OOSP4B: variants seen among roughly 807,000 people sequenced by gnomAD.
OOSP4B encodes the protein oocyte-secreted protein 4B.
At chr11:60,024,197 C>T (rs1210692650) in intron 2 of OOSP4B, 136 bp downstream of exon 2, 9 of 394,910 alleles carry the variant, frequency 2.3e-5, no homozygotes, top group Non-Finnish European at 3.6e-5. Flanking sequence ...TTAGATAGGA[C>T]CAGGTGCTTA....
intron 3 of OOSP4B, among the ~76,000 whole-genome samples, chr11:60,027,795 C>T (rs940399263): frequency 1.3e-5 from 2 of 151,572 alleles, no homozygotes; most frequent in African/African-American, 2.4e-5. Flanking sequence ...CAAAAATTAG[C>T]CAGGCCTGGT....
At chr11:60,020,443 G>A (rs1402054650) in intron 1 of OOSP4B, among the ~76,000 whole-genome samples, 1 of 152,214 alleles carries the variant, frequency 6.6e-6, no homozygotes, top group African/African-American at 2.4e-5. Context: ...GTCGAGCACA[G>A]CAGCTGCTGG....
chr11:60,027,209 A>G (rs1194809035), intron 3 of OOSP4B, among the ~76,000 whole-genome samples: 1 of 152,112 alleles, frequency 6.6e-6, no homozygotes, highest in Admixed American at 6.5e-5. Flanking sequence ...AATGAACACT[A>G]CAGCTCCTAA....
At chr11:60,027,655 T>TA (rs61649958) in intron 3 of OOSP4B, among the ~76,000 whole-genome samples, 1,885 of 62,156 alleles carry the variant, frequency 0.03, 107 homozygotes, top group African/African-American at 0.065. Context: ...GCTATGATAT[T>TA]AAAAAAAAAA....
At chr11:60,023,988 G>C (rs1041235715) in exon 2 of OOSP4B, 2 of 398,406 alleles carry the variant, frequency 5.0e-6, no homozygotes, top group Non-Finnish European at 8.8e-6. Flanking sequence ...AGAGATAACT[G>C]TCCTGTAACA....
chr11:60,028,388 A>G (rs553054886), intron 3 of OOSP4B, among the ~76,000 whole-genome samples: 2 of 151,568 alleles, frequency 1.3e-5, no homozygotes, highest in South Asian at 4.2e-4. Flanking sequence ...CTCGTCTCGA[A>G]CTCCTGACCT....
intron 4 of OOSP4B, 51 bp from the exon 5 acceptor site, chr11:60,030,751 G>T (rs1405230830): frequency 7.5e-6 from 3 of 397,756 alleles, no homozygotes. Context: ...TTCTTTTTAG[G>T]TAAGGTTATA....
In OOSP4B at chr11:60,028,417, C is replaced by T. The variant is rs137872339; in HGVS notation, c.303-1365C>T. 1.7e-3 allele frequency among the ~76,000 whole-genome samples: 261 copies of T among 152,178 alleles called. 1 individual carries two copies. The highest frequency in any genetic ancestry group is 5.2e-3 in the African/African-American group (215 of 41,522). On this transcript the variant is annotated intron_variant, in intron 3 of 4. Coordinates refer to ENST00000642343, the Ensembl canonical transcript of OOSP4B. The stretch of plus-strand genomic sequence containing the variant: ...CTGACCTCAAGTGATCCACCTGCCT[C>T]GGCCTCCCAAAGTGGTAGGATTACA...
In OOSP4B at chr11:60,027,655, TAAAAAAAAAAAAAAAA is replaced by T. The variant is rs61649958; in HGVS notation, c.303-2117_303-2102del. Among the ~76,000 whole-genome samples, 4 of 62,238 alleles carry T rather than the reference TAAAAAAAAAAAAAAAA, an allele frequency of 6.4e-5. No homozygotes were observed. The South Asian group carries it at 3.6e-3, about 56-fold the overall frequency. 40.8% of individuals were successfully genotyped at this position (62,238 alleles called of 152,430 possible). On this transcript the variant is annotated intron_variant, in intron 3 of 4. Coordinates refer to ENST00000642343, the Ensembl canonical transcript of OOSP4B. ...TCTAAGCAGGTAAAGGCTATGATAT[TAAAAAAAAAAAAAAAA>T]AAAAAAAAAGATGATCCCAGCACTT... is the stretch of plus-strand genomic sequence containing the variant.
At chr11:60,028,251 C>T (rs987707773) in intron 3 of OOSP4B, among the ~76,000 whole-genome samples, 16 of 151,526 alleles carry the variant, frequency 1.1e-4, no homozygotes, top group Non-Finnish European at 1.5e-4. Flanking sequence ...CTTCAACCAC[C>T]GCTTCCTGGG....
intron 4 of OOSP4B, among the ~76,000 whole-genome samples, chr11:60,030,597 T>C (rs1854797329): frequency 1.3e-5 from 2 of 152,226 alleles, no homozygotes; most frequent in Admixed American, 1.3e-4. Context: ...AACACATAGA[T>C]GCTAATCACT....
At chr11:60,020,981 T>G (rs1854685726) in intron 1 of OOSP4B, among the ~76,000 whole-genome samples, 1 of 152,210 alleles carries the variant, frequency 6.6e-6, no homozygotes, top group African/African-American at 2.4e-5. Flanking sequence ...GTAACTGTGG[T>G]CTAGCCATAA....
intron 4 of OOSP4B, among the ~76,000 whole-genome samples, chr11:60,030,425 T>G (rs1854795391): frequency 6.6e-6 from 1 of 152,196 alleles, no homozygotes; most frequent in South Asian, 2.1e-4. Context: ...CTGAGCTTAT[T>G]TTAAAAGGAT....
At chr11:60,026,095 C>T (rs73477202) in intron 3 of OOSP4B, among the ~76,000 whole-genome samples, 2,612 of 152,154 alleles carry the variant, frequency 0.017, 74 homozygotes, top group African/African-American at 0.059. Context: ...AGATGTATTT[C>T]GCCCCAGTCC....
At chr11:60,022,616 A>G (rs1854704174) in intron 1 of OOSP4B, among the ~76,000 whole-genome samples, 1 of 152,206 alleles carries the variant, frequency 6.6e-6, no homozygotes, top group South Asian at 2.1e-4. Flanking sequence ...ATCCTTGGAT[A>G]CTGCCAACTG....
chr11:60,030,119 A>T (rs1854792236), intron 4 of OOSP4B, among the ~76,000 whole-genome samples, 190 bp downstream of exon 4: 1 of 152,158 alleles, frequency 6.6e-6, no homozygotes, highest in Non-Finnish European at 1.5e-5. Context: ...GTTGCAGATG[A>T]ACATGAATAG....
intron 3 of OOSP4B, among the ~76,000 whole-genome samples, chr11:60,027,883 T>C (rs141893753): frequency 6.0e-4 from 90 of 151,128 alleles, no homozygotes; most frequent in Non-Finnish European, 9.3e-4. Context: ...GAGGTTGCAG[T>C]GAGCTGAGAT....
intron 1 of OOSP4B, among the ~76,000 whole-genome samples, chr11:60,019,053 C>T (rs1854656623): frequency 6.6e-6 from 1 of 151,880 alleles, no homozygotes; most frequent in Admixed American, 6.6e-5. Context: ...CCCGTCTCTA[C>T]TAAACAAAAA....
rs61649958 is a variant in OOSP4B at position 60,027,655 on chromosome 11, T to TAA, written c.303-2103_303-2102dup. Among the ~76,000 whole-genome samples, 262 of 62,204 alleles carry TAA rather than the reference T, an allele frequency of 4.2e-3. 10 individuals are homozygous for TAA. The highest frequency in any genetic ancestry group is 0.011 in the African/African-American group (241 of 21,588). The allele number at this position is 62,204 out of a possible 152,430, so 40.8% of individuals were successfully genotyped here. On this transcript the variant is annotated intron_variant, in intron 3 of 4. Transcript: ENST00000642343. ...TCTAAGCAGGTAAAGGCTATGATAT[T>TAA]AAAAAAAAAAAAAAAAAAAAAAAAA...
Sources: gnomAD v4.1 joint callset for allele counts (sites outside exome capture counted in the v4.1 genomes callset) on GRCh38, gnomAD v4.1.1 for gene constraint, MANE v1.5 for transcripts, NCBI Gene and HGNC (gene_info 2026-07-23, HGNC 2026-07-21) for gene names.